The following ITPR2 variants were observed in gnomAD, a reference collection of about 807,000 sequenced individuals.
The protein encoded by ITPR2 is inositol 1,4,5-trisphosphate-gated calcium channel ITPR2.
ITPR2 carries 207 observed loss-of-function variants against 317.1 expected under a neutral mutation model. The observed-to-expected ratio is 0.65, with a 90% CI of 0.58 to 0.73. The LOEUF (loss-of-function observed/expected upper bound fraction) is 0.73. Among genes scored for constraint, ITPR2 ranks in the 30% least tolerant of loss-of-function variants. The pLI, the probability that ITPR2 is intolerant of heterozygous loss-of-function variation, is 0.00. For synonymous variants in ITPR2, 1,156 were observed against 1,149.1 expected (o/e 1.01, Z -0.12); for missense variants, 2,613 against 3,284.0 (o/e 0.80, Z 4.99).
intron 26 of ITPR2, among the ~76,000 whole-genome samples, 189 bp from the exon 27 acceptor site, chr12:26,602,895 C>T (rs1039164677): frequency 3.3e-5 from 5 of 151,966 alleles, no homozygotes; most frequent in African/African-American, 4.8e-5. Flanking sequence ...TGCAAATTAC[C>T]GCTACCCAGT....
intron 9 of ITPR2, among the ~76,000 whole-genome samples, chr12:26,704,796 G>T (rs376382207): frequency 2.2e-4 from 34 of 152,104 alleles, no homozygotes; most frequent in African/African-American, 7.0e-4. Context: ...GTCCAGAGGG[G>T]TTAAATATTT....
rs929360135 is a variant in ITPR2, at chr12:26,441,911, G to A, written c.6450+1632C>T. ...GCCCTGTCAGTATGTATATGTATAT[G>A]TGTGTATTTATAATATATATATAAC... On this transcript the variant is annotated intron_variant, in intron 46 of 56. Transcript: ENST00000381340. Among the ~76,000 whole-genome samples the A allele has an allele frequency of 3.3e-5, 5 of 151,912 alleles. No individual in the cohort carries two copies. In the East Asian group the frequency reaches 7.7e-4, roughly 23 times the overall value.
intron 48 of ITPR2, among the ~76,000 whole-genome samples, chr12:26,428,397 G>T (rs1941122629): frequency 6.6e-6 from 1 of 152,110 alleles, no homozygotes; most frequent in Non-Finnish European, 1.5e-5. Flanking sequence ...ACTTTTGATA[G>T]ACATCTCTCT....
intron 2 of ITPR2, among the ~76,000 whole-genome samples, chr12:26,781,918 C>T (rs1022739441): frequency 6.7e-6 from 1 of 149,856 alleles, no homozygotes; most frequent in Admixed American, 6.7e-5. Flanking sequence ...CAAAGTTCTT[C>T]AGCTTTGGGA....
chr12:26,495,851 A>G (rs1942919958), intron 37 of ITPR2, among the ~76,000 whole-genome samples: 1 of 152,206 alleles, frequency 6.6e-6, no homozygotes, highest in South Asian at 2.1e-4. Flanking sequence ...TGGGGAACAG[A>G]GCAGGTACTC....
intron 49 of ITPR2, among the ~76,000 whole-genome samples, chr12:26,420,757 G>T (rs1273363070): frequency 2.0e-5 from 3 of 151,924 alleles, no homozygotes; most frequent in Admixed American, 2.0e-4. Flanking sequence ...GTTTAATATT[G>T]TAAGAAATTA....
In ITPR2 at chr12:26,398,877, A is replaced by G. The variant is rs375931279; in HGVS notation, c.7695T>C (p.Cys2565=). ...TTTTAGCATCTGCCGAACACTTACC[A>G]CAGATGAAACAAGTTGTCTTTAGAA... ...EEILKTTCFI[C]GLERDKFDNK... Residue 2565 remains cysteine, a splice_region_variant and synonymous_variant, in exon 54 of 57, where the codon TGT becomes TGC. Transcript: ENST00000381340. 349 of 1,609,560 alleles carry G rather than the reference A, an allele frequency of 2.2e-4. 2 individuals are homozygous for G. In the South Asian group the frequency reaches 2.9e-3, roughly 13 times the overall value.
At chr12:26,405,365 A>C (rs1200929887) in intron 52 of ITPR2, among the ~76,000 whole-genome samples, 1 of 152,170 alleles carries the variant, frequency 6.6e-6, no homozygotes, top group Non-Finnish European at 1.5e-5. Context: ...GTTAAATCTC[A>C]TGAAAAGTTT....
At chr12:26,375,313 TA>T (rs1483515772) in intron 55 of ITPR2, among the ~76,000 whole-genome samples, 1 of 152,222 alleles carries the variant, frequency 6.6e-6, no homozygotes, top group Non-Finnish European at 1.5e-5. Context: ...TTCATAAGTC[TA>T]AAATAAATGA....
At chr12:26,597,965 G>A (rs991733612) in intron 30 of ITPR2, among the ~76,000 whole-genome samples, 1 of 152,078 alleles carries the variant, frequency 6.6e-6, no homozygotes, top group African/African-American at 2.4e-5. Flanking sequence ...TGAAAGTGTT[G>A]TTGAAAGAGA....
At chr12:26,563,553 TAAA>T (rs75872857) in intron 34 of ITPR2, among the ~76,000 whole-genome samples, 1 of 142,656 alleles carries the variant, frequency 7.0e-6, no homozygotes. Context: ...AGACTCCATC[TAAA>T]AAAAAAAAAG....
At chr12:26,355,582 T>C (rs1938612867) in intron 55 of ITPR2, among the ~76,000 whole-genome samples, 1 of 152,230 alleles carries the variant, frequency 6.6e-6, no homozygotes, top group Non-Finnish European at 1.5e-5. Flanking sequence ...GGTTTTAACA[T>C]ATTTCTTTTG....
rs1319441821 is a variant in ITPR2 at position 26,419,233 on chromosome 12, A to G, written c.6946-20T>C. On this transcript the variant is annotated intron_variant, in intron 49 of 56. Transcript: ENST00000381340. ...ACAAAGCTAAAGGGAGGAAAGGGTT[A>G]CAGATTACTGTCTTATTTATCCTGA... 6.2e-7 allele frequency: 1 copy of G among 1,610,954 alleles called. No homozygotes were observed. Among genetic ancestry groups the G allele is most frequent in the African/African-American group, 1.3e-5 (1 of 74,954 alleles).
At chr12:26,485,067 T>G (rs1364877066) in intron 41 of ITPR2, among the ~76,000 whole-genome samples, 1 of 147,398 alleles carries the variant, frequency 6.8e-6, no homozygotes. Flanking sequence ...CAGTTCGATA[T>G]GCTTATGCAT....
At chr12:26,746,514 C>T (rs571967862) in intron 2 of ITPR2, among the ~76,000 whole-genome samples, 151 of 152,248 alleles carry the variant, frequency 9.9e-4, no homozygotes, top group South Asian at 6.6e-3. Context: ...TGCCTCTTAG[C>T]GATCTGATCT....
chr12:26,476,888 C>A (rs769629972), intron 44 of ITPR2, 24 bp downstream of exon 44: 6 of 1,541,500 alleles, frequency 3.9e-6, no homozygotes, highest in African/African-American at 1.4e-5. Flanking sequence ...CCAATATTGA[C>A]CAAGCTTTTA....
At chr12:26,467,742 G>A (rs1011980926) in intron 45 of ITPR2, among the ~76,000 whole-genome samples, 6 of 152,084 alleles carry the variant, frequency 3.9e-5, no homozygotes, top group Non-Finnish European at 7.4e-5. Flanking sequence ...CTAATAATTA[G>A]TGAGTCCCAT....
intron 2 of ITPR2, among the ~76,000 whole-genome samples, chr12:26,753,780 C>T (rs1374972909): frequency 2.6e-5 from 4 of 152,186 alleles, no homozygotes; most frequent in Non-Finnish European, 5.9e-5. Context: ...GCTTTGGACA[C>T]CTATAAGCCT....
chr12:26,476,886 G>A (rs747255347), intron 44 of ITPR2, 26 bp downstream of exon 44: 1 of 1,526,552 alleles, frequency 6.6e-7, no homozygotes, highest in South Asian at 1.1e-5. Context: ...ACCCAATATT[G>A]ACCAAGCTTT....
Sources: allele counts gnomAD v4.1 joint callset (sites outside exome capture counted in the v4.1 genomes callset), GRCh38; gene constraint gnomAD v4.1.1; transcripts MANE v1.5; gene names NCBI Gene and HGNC (gene_info 2026-07-23, HGNC 2026-07-21).